TFDP2: variants seen among roughly 807,000 people sequenced by gnomAD.
The protein encoded by TFDP2 is transcription factor Dp-2 (E2F dimerization partner 2).
Under a neutral mutation model 59.3 loss-of-function variants are expected in TFDP2, and 17 were observed. That is an observed-to-expected ratio of 0.29 (90% CI 0.20 to 0.43). The LOEUF (loss-of-function observed/expected upper bound fraction) is 0.43. Among genes scored for constraint, TFDP2 ranks in the 20% least tolerant of loss-of-function variants. The pLI is 1.00. For synonymous variants in TFDP2, 180 were observed against 194.7 expected, an observed-to-expected ratio of 0.92 and a Z score of 0.63; for missense variants, 391 against 528.8, an observed-to-expected ratio of 0.74 and a Z score of 2.56.
intron 1 of TFDP2, among the ~76,000 whole-genome samples, chr3:142,125,455 A>G (rs933131223): frequency 4.6e-5 from 7 of 152,164 alleles, no homozygotes; most frequent in Non-Finnish European, 2.9e-5. Context: ...ACATCCTTCT[A>G]TGAGCTTTTT....
intron 6 of TFDP2, among the ~76,000 whole-genome samples, chr3:141,983,623 GA>G (rs35735051): frequency 0.013 from 962 of 72,994 alleles, 4 homozygotes; most frequent in African/African-American, 0.039. Flanking sequence ...AATGTCTCAA[GA>G]AAAAAAAAAA....
intron 8 of TFDP2, among the ~76,000 whole-genome samples, chr3:141,972,946 A>G (rs1939988147): frequency 6.6e-6 from 1 of 151,818 alleles, no homozygotes; most frequent in Non-Finnish European, 1.5e-5. Context: ...TTTCCACTGT[A>G]GCATATGAAA....
intron 3 of TFDP2, among the ~76,000 whole-genome samples, chr3:142,035,562 A>G (rs943137633): frequency 6.6e-6 from 1 of 152,248 alleles, no homozygotes; most frequent in African/African-American, 2.4e-5. Context: ...AATAACTTGC[A>G]TAAATGCTAG....
chr3:142,078,283 G>A (rs924648543), intron 3 of TFDP2, among the ~76,000 whole-genome samples: 2 of 152,178 alleles, frequency 1.3e-5, no homozygotes, highest in African/African-American at 4.8e-5. Context: ...CACAAACCCA[G>A]CTGGCTTCAT....
At chr3:142,045,222 C>T (rs541925326) in intron 3 of TFDP2, among the ~76,000 whole-genome samples, 2 of 150,244 alleles carry the variant, frequency 1.3e-5, no homozygotes, top group African/African-American at 2.4e-5. Context: ...GGCACGATCA[C>T]GATCTCGGCC....
At chr3:141,977,672 A>G (rs955339515) in intron 7 of TFDP2, among the ~76,000 whole-genome samples, 1 of 152,150 alleles carries the variant, frequency 6.6e-6, no homozygotes, top group African/African-American at 2.4e-5. Context: ...AAGAAACAAT[A>G]AGATTCAGAA....
At chr3:141,977,550 C>T (rs1940887043) in intron 7 of TFDP2, among the ~76,000 whole-genome samples, 1 of 152,050 alleles carries the variant, frequency 6.6e-6, no homozygotes, top group Non-Finnish European at 1.5e-5. Context: ...CGAAACTGCA[C>T]CACTGTATTC....
chr3:142,137,067 G>A (rs1005321832), intron 1 of TFDP2, among the ~76,000 whole-genome samples: 6 of 151,988 alleles, frequency 3.9e-5, no homozygotes, highest in African/African-American at 1.4e-4. Flanking sequence ...ATTTCCTTGA[G>A]CAGTTTATAG....
intron 4 of TFDP2, among the ~76,000 whole-genome samples, chr3:141,998,026 T>C (rs1576635487): frequency 6.6e-6 from 1 of 151,612 alleles, no homozygotes; most frequent in South Asian, 2.1e-4. Flanking sequence ...GATCGGAGAG[T>C]GATTAGCAAC....
At chr3:141,969,012 A>G (rs1318170872) in intron 9 of TFDP2, among the ~76,000 whole-genome samples, 2 of 86,270 alleles carry the variant, frequency 2.3e-5, no homozygotes, top group Non-Finnish European at 4.3e-5. Context: ...ATATATATAG[A>G]TATATATATA....
At position 141,977,130 on chromosome 3, in the gene TFDP2, C is replaced by CTTTTTTTTTT. The variant is rs1559959815; in HGVS notation, c.519+1389_519+1390insAAAAAAAAAA. Among the ~76,000 whole-genome samples the CTTTTTTTTTT allele has an allele frequency of 8.9e-4, 101 of 113,238 alleles. 6 individuals carry two copies. The highest frequency in any genetic ancestry group is 5.0e-3 in the Middle Eastern group (1 of 200). 74.3% of individuals were successfully genotyped at this position (113,238 alleles called of 152,430 possible). A position where few individuals can be genotyped will look rare whatever the true frequency, so the allele number is the denominator to read the frequency against. The stretch of plus-strand genomic sequence containing the variant: ...TATTTTTTTTTTTTTTTTTTTTTTC[C>CTTTTTTTTTT]CCCCAAAGAGACGAAGTCTTGCTTT... On this transcript the variant is annotated intron_variant, in intron 7 of 12. Transcript: ENST00000489671.
chr3:142,052,215 G>A (rs529377472), intron 3 of TFDP2, among the ~76,000 whole-genome samples: 4 of 152,198 alleles, frequency 2.6e-5, no homozygotes, highest in South Asian at 2.1e-4. Flanking sequence ...ATATAGCAAC[G>A]TAAAAACTTA....
At chr3:142,012,705 T>C (rs902001393) in intron 3 of TFDP2, among the ~76,000 whole-genome samples, 1 of 152,326 alleles carries the variant, frequency 6.6e-6, no homozygotes, top group East Asian at 1.9e-4. Context: ...TTTTATATAT[T>C]CATAAAAAGT....
intron 7 of TFDP2, among the ~76,000 whole-genome samples, 160 bp from the exon 8 acceptor site, chr3:141,974,351 C>T (rs1183249213): frequency 6.6e-5 from 10 of 151,572 alleles, no homozygotes; most frequent in African/African-American, 1.5e-4. Context: ...TTCTATATTC[C>T]GAGAAAATAT....
At chr3:141,973,093 G>GTATGTATATATATATATA (rs1940010959) in intron 8 of TFDP2, among the ~76,000 whole-genome samples, 3 of 103,194 alleles carry the variant, frequency 2.9e-5, no homozygotes, top group African/African-American at 1.1e-4. Flanking sequence ...AAAGCTATGT[G>GTATGTATATATATATATA]TATATATATA....
chr3:141,975,345 T>C (rs541709873), intron 7 of TFDP2, among the ~76,000 whole-genome samples: 1 of 151,794 alleles, frequency 6.6e-6, no homozygotes, highest in Admixed American at 6.6e-5. Context: ...AATATAAAAC[T>C]AGATCTAAAT....
intron 3 of TFDP2, among the ~76,000 whole-genome samples, chr3:142,051,840 A>G (rs925528782): frequency 6.6e-6 from 1 of 152,144 alleles, no homozygotes; most frequent in Admixed American, 6.5e-5. Context: ...AAAATTTATC[A>G]TAAGGCTGGA....
chr3:142,126,265 G>C (rs150499811), intron 1 of TFDP2: 1 of 147,556 alleles, frequency 6.8e-6, no homozygotes, highest in Non-Finnish European at 1.5e-5. Context: ...TGCAACCTCC[G>C]CCTCCCGGAT....
chr3:141,947,790 T>C lies in TFDP2; in HGVS notation c.*4723A>G, dbSNP rs1236768330. The C allele has an allele frequency of 6.6e-6, 1 of 152,240 alleles. No individual in the cohort carries two copies. The highest frequency in any genetic ancestry group is 1.5e-5 in the Non-Finnish European group (1 of 68,038). The allele number at this position is 152,240 out of a possible 1,614,324, so 9.4% of individuals were successfully genotyped here. A position where few individuals can be genotyped will look rare whatever the true frequency, so the allele number is the denominator to read the frequency against. ...TAGGAGAGATTCCAAGTGCATGTTA[T>C]GGGACAGAGTGGCTTGTTAAGAAAG... On this transcript the variant is annotated 3_prime_UTR_variant, in exon 13 of 13. Transcript: ENST00000489671.
Sources: gnomAD v4.1 joint callset for allele counts (sites outside exome capture counted in the v4.1 genomes callset) on GRCh38, gnomAD v4.1.1 for gene constraint, MANE v1.5 for transcripts, NCBI Gene and HGNC (gene_info 2026-07-23, HGNC 2026-07-21) for gene names.